ATR: variants seen among roughly 807,000 people sequenced by gnomAD.
ATR encodes the protein serine/threonine-protein kinase ATR.
Under a neutral mutation model 305.3 loss-of-function variants are expected in ATR, and 142 were observed. The ratio of observed to expected loss-of-function variants is 0.47; its 90% CI spans 0.41 to 0.53. The LOEUF (loss-of-function observed/expected upper bound fraction) is 0.53. Among genes scored for constraint, ATR ranks in the 20% least tolerant of loss-of-function variants. ATR has a pLI of 0.00. For synonymous variants in ATR, 1,050 were observed against 1,068.1 expected (o/e 0.98, Z 0.33); for missense variants, 2,135 against 3,133.1 (o/e 0.68, Z 7.60).
At chr3:142,501,117 TA>T (rs1243858620) in intron 30 of ATR, among the ~76,000 whole-genome samples, 28 of 152,298 alleles carry the variant, frequency 1.8e-4, no homozygotes, top group African/African-American at 6.0e-4. Context: ...GCCCCATCCA[TA>T]ATCATTTGCT....
intron 21 of ATR, among the ~76,000 whole-genome samples, chr3:142,528,879 A>ATTTTTTG (rs2033521743): frequency 3.3e-5 from 1 of 30,488 alleles, no homozygotes; most frequent in Non-Finnish European, 5.0e-5. Flanking sequence ...ATATATATAT[A>ATTTTTTG]TTTTTTTTTT....
chr3:142,558,663 T>G lies in ATR; in HGVS notation c.1846A>C (p.Asn616His). Reference sequence around the variant, plus strand: ...ATCCTACAGCTTAATGTTAGAAGATTAGCGGCAAATGTGGTCAACTTTAAA... The same window carrying G: ...ATCCTACAGCTTAATGTTAGAAGATGAGCGGCAAATGTGGTCAACTTTAAA... ...GCLKLTTFAA[N>H]LLTLSCRISD... Residue 616 changes from asparagine to histidine, a missense_variant, in exon 8 of 47, where the codon AAT becomes CAT. This residue lies in a region of ATR where 744 missense variants were observed against 873.2 expected (regional missense o/e 0.85). Transcript: ENST00000350721. 3 of 1,613,414 alleles carry G rather than the reference T, an allele frequency of 1.9e-6. No individual in the cohort carries two copies. The highest frequency in any genetic ancestry group is 2.5e-6 in the Non-Finnish European group (3 of 1,179,634).
At chr3:142,534,383 T>TA (rs1434197510) in intron 21 of ATR, among the ~76,000 whole-genome samples, 1 of 152,156 alleles carries the variant, frequency 6.6e-6, no homozygotes, top group East Asian at 1.9e-4. Context: ...TACCATCACG[T>TA]ATATCTTTTG....
At chr3:142,488,919 T>C (rs2031115381) in intron 35 of ATR, among the ~76,000 whole-genome samples, 1 of 152,210 alleles carries the variant, frequency 6.6e-6, no homozygotes, top group South Asian at 2.1e-4. Context: ...TACCAATTTA[T>C]TTAGTTCTTT....
chr3:142,544,620 G>GGA (rs1267858168), intron 16 of ATR, among the ~76,000 whole-genome samples: 1 of 72,018 alleles, frequency 1.4e-5, no homozygotes, highest in African/African-American at 7.0e-5. Flanking sequence ...GAAGAAAGGA[G>GGA]CAAAAAAAAA....
intron 33 of ATR, 151 bp from the exon 34 acceptor site, chr3:142,496,671 T>A: frequency 1.3e-6 from 1 of 794,008 alleles, no homozygotes. Flanking sequence ...CTTCTTCATA[T>A]ACTATTTCAA....
At chr3:142,477,729 T>C (rs2029998573) in intron 36 of ATR, among the ~76,000 whole-genome samples, 1 of 152,160 alleles carries the variant, frequency 6.6e-6, no homozygotes, top group Admixed American at 6.5e-5. Flanking sequence ...TCCTGGACTT[T>C]TTTTGGTTGG....
chr3:142,483,665 C>T (rs533283369), intron 36 of ATR, among the ~76,000 whole-genome samples: 2 of 151,712 alleles, frequency 1.3e-5, no homozygotes, highest in African/African-American at 2.4e-5. Flanking sequence ...GGTGAAACCC[C>T]GTCTATACTA....
chr3:142,544,008 G>C (rs916343767), intron 16 of ATR, among the ~76,000 whole-genome samples: 5 of 152,070 alleles, frequency 3.3e-5, no homozygotes, highest in African/African-American at 1.2e-4. Context: ...CTGGAGGAGA[G>C]GGCATGGGCT....
intron 46 of ATR, chr3:142,452,649 G>A (rs1425122706): frequency 7.1e-6 from 7 of 980,014 alleles, no homozygotes; most frequent in Non-Finnish European, 8.6e-6. Flanking sequence ...ACTCCAGCCT[G>A]GATGACAGAG....
intron 36 of ATR, among the ~76,000 whole-genome samples, chr3:142,479,041 A>G (rs2030194474): frequency 6.6e-6 from 1 of 152,126 alleles, no homozygotes; most frequent in African/African-American, 2.4e-5. Flanking sequence ...GACTCTATCC[A>G]ATTTGCCAGT....
intron 20 of ATR, among the ~76,000 whole-genome samples, chr3:142,535,603 T>C (rs2108426489): frequency 1.3e-5 from 2 of 152,318 alleles, no homozygotes; most frequent in East Asian, 3.9e-4. Flanking sequence ...TCCCACTTTC[T>C]ACCCAGAAGT....
At chr3:142,521,135 T>A (rs1380584491) in intron 23 of ATR, among the ~76,000 whole-genome samples, 2 of 152,096 alleles carry the variant, frequency 1.3e-5, no homozygotes, top group South Asian at 2.1e-4. Context: ...AAAAAAAATT[T>A]AAAAATAAAA....
At chr3:142,564,515 G>A (rs1400934604) in intron 3 of ATR, among the ~76,000 whole-genome samples, 1 of 152,160 alleles carries the variant, frequency 6.6e-6, no homozygotes, top group Non-Finnish European at 1.5e-5. Flanking sequence ...GGTAGCTATT[G>A]TCATTCTTTC....
At chr3:142,537,785 A>C (rs1371297042) in intron 19 of ATR, among the ~76,000 whole-genome samples, 1 of 152,214 alleles carries the variant, frequency 6.6e-6, no homozygotes, top group East Asian at 1.9e-4. Flanking sequence ...CAGTCTAAAA[A>C]GCAGCCTGAA....
intron 40 of ATR, 46 bp downstream of exon 40, chr3:142,466,278 T>A (rs2071128177): frequency 3.2e-6 from 5 of 1,559,284 alleles, no homozygotes; most frequent in Non-Finnish European, 4.4e-6. Context: ...TTGAAGTTTT[T>A]AACAACTAAA....
At chr3:142,499,253 C>A in intron 31 of ATR, 1 of 305,394 alleles carries the variant, frequency 3.3e-6, no homozygotes, top group South Asian at 3.1e-5. Context: ...ATGAATGTTG[C>A]TAAGTTACTT....
chr3:142,502,804 C>T (rs1289718646), intron 30 of ATR, among the ~76,000 whole-genome samples: 1 of 152,220 alleles, frequency 6.6e-6, no homozygotes, highest in Non-Finnish European at 1.5e-5. Flanking sequence ...AAAGCAGCTT[C>T]AAGAGCAGTG....
intron 24 of ATR, among the ~76,000 whole-genome samples, chr3:142,518,558 G>T (rs544023146): frequency 4.6e-5 from 7 of 152,062 alleles, no homozygotes; most frequent in Admixed American, 3.3e-4. Flanking sequence ...CTTTAATAAG[G>T]CTAATAATAA....
Sources: gnomAD v4.1 joint callset for allele counts (sites outside exome capture counted in the v4.1 genomes callset) on GRCh38, gnomAD v4.1.1 for gene constraint, gnomAD v4.1.1 regional missense constraint, MANE v1.5 for transcripts, NCBI Gene and HGNC (gene_info 2026-07-23, HGNC 2026-07-21) for gene names.